KCNA2: variants seen among roughly 807,000 people sequenced by gnomAD.
KCNA2 encodes potassium voltage-gated channel subfamily A member 2.
KCNA2 carries 11 observed loss-of-function variants against 33.4 expected under a neutral mutation model. The observed-to-expected ratio is 0.33, with a 90% confidence interval of 0.21 to 0.55. The LOEUF (loss-of-function observed/expected upper bound fraction) is 0.55. Among genes scored for constraint, KCNA2 ranks in the 20% least tolerant of loss-of-function variants. KCNA2 has a pLI of 0.93. For synonymous variants in KCNA2, 222 were observed against 231.3 expected (o/e 0.96, Z 0.37); for missense variants, 291 against 621.6 (o/e 0.47, Z 5.66).
chr1:110,601,513 A>G lies in KCNA2; in HGVS notation c.*1770T>C. The G allele has an allele frequency of 1.0e-6, 1 of 986,286 alleles. No homozygotes were observed. Among genetic ancestry groups the G allele is most frequent in the Non-Finnish European group, 1.2e-6 (1 of 830,544 alleles). 61.1% of individuals were successfully genotyped at this position (986,286 alleles called of 1,614,324 possible). A position where few individuals can be genotyped will look rare whatever the true frequency, so the allele number is the denominator to read the frequency against. On this transcript the variant is annotated 3_prime_UTR_variant, in exon 3 of 3. Transcript: ENST00000316361. ...AGGAGGCCCGGGGTGGGTCTGGCCC[A>G]GGACAGCTGGAACTGTGAGGGCCAC...
chr1:110,618,032 T>G (rs1392266290), intron 1 of KCNA2, among the ~76,000 whole-genome samples: 1 of 151,968 alleles, frequency 6.6e-6, no homozygotes, highest in Non-Finnish European at 1.5e-5. Flanking sequence ...AGGATGAGAA[T>G]GTAGATGGAG....
At chr1:110,623,956 A>G (rs1650324918) in intron 1 of KCNA2, among the ~76,000 whole-genome samples, 1 of 152,100 alleles carries the variant, frequency 6.6e-6, no homozygotes, top group Non-Finnish European at 1.5e-5. Context: ...AAAAGATATC[A>G]CTACACACTA....
upstream of KCNA2, chr1:110,607,692 A>C (rs1649723911): frequency 6.6e-6 from 1 of 152,406 alleles, no homozygotes; most frequent in Non-Finnish European, 1.5e-5. Flanking sequence ...GGCTCCTGCC[A>C]ACGTAATGAA....
intron 1 of KCNA2, among the ~76,000 whole-genome samples, chr1:110,630,890 C>T (rs1483268027): frequency 6.6e-6 from 1 of 152,208 alleles, no homozygotes; most frequent in Non-Finnish European, 1.5e-5. Flanking sequence ...GGCCACACCC[C>T]AGGCAGCCAG....
chr1:110,610,762 C>T (rs934769422), upstream of KCNA2, among the ~76,000 whole-genome samples: 18 of 152,132 alleles, frequency 1.2e-4, no homozygotes, highest in African/African-American at 4.3e-4. Flanking sequence ...ACCTCACAGG[C>T]AATCTGGTTT....
At chr1:110,617,462 T>C (rs1650103508) in intron 1 of KCNA2, among the ~76,000 whole-genome samples, 1 of 152,132 alleles carries the variant, frequency 6.6e-6, no homozygotes, top group Admixed American at 6.5e-5. Flanking sequence ...CATTGAGAGT[T>C]CTGAGTGGGA....
rs1649258828 is a variant in KCNA2 at position 110,599,814 on chromosome 1, G to T, written c.*3469C>A. On this transcript the variant is annotated 3_prime_UTR_variant, in exon 3 of 3. Transcript: ENST00000316361. Reference sequence around the variant, plus strand: ...GGAGAAGGGGAGCCTGGGCTATTGGGTTGTCTGTGCGGATTTGCTGGAAGG... The same window carrying T: ...GGAGAAGGGGAGCCTGGGCTATTGGTTTGTCTGTGCGGATTTGCTGGAAGG... The T allele has an allele frequency of 3.0e-6, 3 of 985,474 alleles. No individual in the cohort carries two copies. Among genetic ancestry groups the T allele is most frequent in the African/African-American group, 1.7e-5 (1 of 57,214 alleles). The allele number at this position is 985,474 out of a possible 1,614,324, so 61.0% of individuals were successfully genotyped here. A position where few individuals can be genotyped will look rare whatever the true frequency, so the allele number is the denominator to read the frequency against.
At chr1:110,623,137 A>G (rs770533272) in intron 1 of KCNA2, among the ~76,000 whole-genome samples, 7 of 152,382 alleles carry the variant, frequency 4.6e-5, no homozygotes, top group Non-Finnish European at 1.0e-4. Context: ...TCAATGGAGT[A>G]GTAAAGAAAG....
chr1:110,622,017 C>T (rs1171635626), intron 1 of KCNA2, among the ~76,000 whole-genome samples: 2 of 152,100 alleles, frequency 1.3e-5, no homozygotes, highest in African/African-American at 4.8e-5. Context: ...CAGCATTACA[C>T]TTATACCAAA....
upstream of KCNA2, among the ~76,000 whole-genome samples, chr1:110,608,686 C>T (rs549876187): frequency 4.6e-5 from 7 of 152,302 alleles, no homozygotes; most frequent in African/African-American, 1.7e-4. Context: ...TTTAGAGCAC[C>T]TTGAACCTGG....
rs774225952 is a variant in KCNA2, at chr1:110,603,553, C to T, written c.1230G>A (p.Val410=). 3.7e-6 allele frequency: 6 copies of T among 1,614,056 alleles called. No homozygotes were observed. The East Asian group carries it at 1.1e-4, about 30-fold the overall frequency. Residue 410 remains valine (V), a synonymous_variant, in exon 3 of 3, where the codon GTG becomes GTA. Transcript: ENST00000316361. The surrounding 1 kb of genome is among the most constrained non-coding windows in gnomAD (Gnocchi z 5.7). ...GGTGGTAGAAGTAGTTGAAATTGGACACAATGACAGGGACCGGTAAGGCAA... is the reference window on the plus strand; with the variant it reads ...GGTGGTAGAAGTAGTTGAAATTGGATACAATGACAGGGACCGGTAAGGCAA... ...LTIALPVPVI[V]SNFNYFYHRE...
rs1348946038 is a variant in KCNA2, at chr1:110,603,427, G to C, written c.1356C>G (p.Thr452=). The C allele has an allele frequency of 6.2e-7, 1 of 1,614,106 alleles. No individual in the cohort carries two copies. The highest frequency in any genetic ancestry group is 8.5e-7 in the Non-Finnish European group (1 of 1,180,038). The part of the protein sequence containing the change: ...PDLKKSRSAS[T]ISKSDYMEIQ... ...TCTCCATGTAATCAGACTTACTAAT[G>C]GTAGAGGCACTTCTACTTTTCTTTA... The change falls in exon 3 of 3, where the codon ACC becomes ACG. Residue 452 remains threonine, a synonymous_variant. Coordinates refer to ENST00000316361, the MANE Select transcript of KCNA2 (RefSeq NM_004974.4). The surrounding 1 kb of genome is among the most constrained non-coding windows in gnomAD (Gnocchi z 5.7).
chr1:110,605,987 G>A (rs763797558), intron 1 of KCNA2: 1 of 152,422 alleles, frequency 6.6e-6, no homozygotes, highest in Non-Finnish European at 1.5e-5. Context: ...GTTGATCCAG[G>A]TTGCTAGTCC....
In KCNA2 at chr1:110,604,597, T is replaced by C. The variant is rs1208266813; in HGVS notation, c.186A>G (p.Pro62=). The stretch of plus-strand genomic sequence containing the variant: ...GGTCAAAGTACCTCATTCGTTTCTT[T>C]GGGTCCCCTAAGAGGGTCTCTGGAA... ...AQFPETLLGD[P]KKRMRYFDPL... is the part of the protein sequence containing the mutation. The change falls in exon 3 of 3, where the codon CCA becomes CCG. Residue 62 remains proline, a synonymous_variant. Transcript: ENST00000316361. The surrounding 1 kb of genome is among the most constrained non-coding windows in gnomAD (Gnocchi z 7.6). 1 of 1,614,210 alleles carries C rather than the reference T, an allele frequency of 6.2e-7. No individual in the cohort carries two copies. Among genetic ancestry groups the C allele is most frequent in the East Asian group, 2.2e-5 (1 of 44,878 alleles).
rs1211193898 is a variant in KCNA2 at position 110,605,942 on chromosome 1, T to G, written c.-495-220A>C. 3.9e-5 allele frequency: 6 copies of G among 152,278 alleles called. No individual in the cohort carries two copies. The South Asian group carries it at 6.2e-4, about 16-fold the overall frequency. The allele number at this position is 152,278 out of a possible 1,614,324, so 9.4% of individuals were successfully genotyped here. ...TTCTCCCAGGGAGCAAGACTCAGGC[T>G]TGGCTGGGCCTGCCTTCTCCAGGGG... On this transcript the variant is annotated intron_variant, in intron 1 of 2. Coordinates refer to ENST00000316361, the MANE Select transcript of KCNA2 (RefSeq NM_004974.4).
At chr1:110,609,743 T>A (rs921011830), upstream of KCNA2, among the ~76,000 whole-genome samples, 1 of 152,184 alleles carries the variant, frequency 6.6e-6, no homozygotes, top group Non-Finnish European at 1.5e-5. Flanking sequence ...AGAACCATCA[T>A]AACAGTTGTT....
chr1:110,603,598 C>G lies in KCNA2; in HGVS notation c.1185G>C (p.Ala395=), dbSNP rs78349687. The stretch of plus-strand genomic sequence containing the variant: ...AGGCAATAGTTAACACACCTGCAAT[C>G]GCACATAGGGAACCCACTATCTTTC... The part of the protein sequence containing the change: ...IGGKIVGSLC[A]IAGVLTIALP... Residue 395 remains alanine, a synonymous_variant, in exon 3 of 3, where the codon GCG becomes GCC. Coordinates refer to ENST00000316361, the MANE Select transcript of KCNA2 (RefSeq NM_004974.4). This position sits in a 1 kb window ranked among gnomAD's most constrained non-coding sequence, Gnocchi z 5.7. 81,788 of 1,613,908 alleles carry G rather than the reference C, an allele frequency of 0.051. 2,532 individuals are homozygous for G. Among genetic ancestry groups the G allele is most frequent in the South Asian group, 0.09 (8,203 of 91,068 alleles).
Position 110,601,791 on chromosome 1 carries a change from T to G in KCNA2, c.*1492A>C. 1 of 1,161,672 alleles carries G rather than the reference T, an allele frequency of 8.6e-7. No homozygotes were observed. The highest frequency in any genetic ancestry group is 1.1e-6 in the Non-Finnish European group (1 of 947,074). The allele number at this position is 1,161,672 out of a possible 1,614,324, so 72.0% of individuals were successfully genotyped here. On this transcript the variant is annotated 3_prime_UTR_variant, in exon 3 of 3. Transcript: ENST00000316361. The stretch of plus-strand genomic sequence containing the variant: ...TCCAGAAAATGAATATATATATATA[T>G]ATATGTGTGTGTGTGTGTGTGTGTG...
rs1649014349 is a variant in KCNA2, at chr1:110,594,553, A to G, written c.*8730T>C. 1.0e-6 allele frequency: 1 copy of G among 985,260 alleles called. No individual in the cohort carries two copies. Among genetic ancestry groups the G allele is most frequent in the Non-Finnish European group, 1.2e-6 (1 of 829,944 alleles). The allele number at this position is 985,260 out of a possible 1,614,324, so 61.0% of individuals were successfully genotyped here. On this transcript the variant is annotated 3_prime_UTR_variant, in exon 3 of 3. Transcript: ENST00000316361. ...GGAGAGAGGGGTGCAGGGATGCAGA[A>G]AACCAGGAAGAGGCCAATTTGGCTG... is the stretch of plus-strand genomic sequence containing the variant.
Sources: gnomAD v4.1 joint callset for allele counts (sites outside exome capture counted in the v4.1 genomes callset) on GRCh38, gnomAD v4.1.1 for gene constraint, Gnocchi (gnomAD v3.1) non-coding constraint, MANE v1.5 for transcripts, NCBI Gene and HGNC (gene_info 2026-07-23, HGNC 2026-07-21) for gene names.